EPHB3: variants seen among roughly 807,000 people sequenced by gnomAD.
The protein encoded by EPHB3 is EPH receptor B3, also known as ephrin type-B receptor 3.
EPHB3 carries 33 observed loss-of-function variants against 100.2 expected under a neutral mutation model. That is an observed-to-expected ratio of 0.33 (90% CI 0.25 to 0.44). The LOEUF (loss-of-function observed/expected upper bound fraction) is 0.44. Ranked by LOEUF, EPHB3 falls within the 20% of genes least tolerant of loss-of-function variation. The probability of loss-of-function intolerance (pLI) is 1.00; values close to 1 mark genes in which losing one functional copy is unlikely to be tolerated. For missense variants in EPHB3, 1,045 were observed against 1,378.3 expected, an observed-to-expected ratio of 0.76 and a Z score of 3.83; for synonymous variants, 526 against 554.7, an observed-to-expected ratio of 0.95 and a Z score of 0.73.
At position 184,572,622 on chromosome 3, in the gene EPHB3, A is replaced by G; in HGVS notation, c.302A>G (p.Asp101Gly). The G allele has an allele frequency of 6.4e-7, 1 of 1,555,588 alleles. No homozygotes were observed. The highest frequency in any genetic ancestry group is 8.7e-7 in the Non-Finnish European group (1 of 1,151,082). Residue 101 changes from aspartate (D) to glycine (G), a missense_variant, in exon 3 of 16, where the codon GAT (aspartate) becomes GGT (glycine). Transcript: ENST00000330394. This position sits in a 1 kb window ranked among gnomAD's most constrained non-coding sequence, Gnocchi z 6.6. ...WLRTGFIWRR[D>G]VQRVYVELKF... is the part of the protein sequence containing the mutation. ...CGCACGGGGTTCATCTGGCGGCGGG[A>G]TGTGCAGCGGGTCTACGTGGAGCTC...
At position 184,580,681 on chromosome 3, in the gene EPHB3, G is replaced by A. The variant is rs768714828; in HGVS notation, c.2389-48G>A. On this transcript the variant is annotated intron_variant, in intron 12 of 15. Coordinates refer to ENST00000330394, the MANE Select transcript of EPHB3 (RefSeq NM_004443.4). ...CTATCAGCCAGGGGCTCGGGCCTGG[G>A]GGGCAGCCCGGAGTCACAGGGTGAA... 8 of 1,609,940 alleles carry A rather than the reference G, an allele frequency of 5.0e-6. No homozygotes were observed. The South Asian group carries it at 7.7e-5, about 16-fold the overall frequency.
At position 184,572,761 on chromosome 3, in the gene EPHB3, C is replaced by T. The variant is rs763128534; in HGVS notation, c.441C>T (p.Pro147=). The T allele has an allele frequency of 1.2e-6, 2 of 1,610,736 alleles. No homozygotes were observed. The highest frequency in any genetic ancestry group is 2.2e-5 in the East Asian group (1 of 44,862). The change falls in exon 3 of 16, where the codon CCC becomes CCT. Residue 147 remains proline, a synonymous_variant. Coordinates refer to ENST00000330394, the MANE Select transcript of EPHB3 (RefSeq NM_004443.4). The surrounding 1 kb of genome is among the most constrained non-coding windows in gnomAD (Gnocchi z 6.6). Reference sequence around the variant, plus strand: ...GCGATGTGGCCTCAGCCTCCTCCCCCTTCTGGATGGAGAACCCCTACGTGA... The same window carrying T: ...GCGATGTGGCCTCAGCCTCCTCCCCTTTCTGGATGGAGAACCCCTACGTGA... ...ADSDVASASS[P]FWMENPYVKV...
chr3:184,577,632 G>A lies in EPHB3; in HGVS notation c.1480-26G>A. 6.3e-7 allele frequency: 1 copy of A among 1,575,766 alleles called. No homozygotes were observed. Among genetic ancestry groups the A allele is most frequent in the Admixed American group, 1.7e-5 (1 of 58,166 alleles). ...GGTTGGCCTCAGGACCCACCTGAGGGTGCCCCCTCTCTCCTGGCATTGCAG... is the reference window on the plus strand; with the variant it reads ...GGTTGGCCTCAGGACCCACCTGAGGATGCCCCCTCTCTCCTGGCATTGCAG... On this transcript the variant is annotated intron_variant, in intron 6 of 15. Coordinates refer to ENST00000330394, the MANE Select transcript of EPHB3 (RefSeq NM_004443.4). This position sits in a 1 kb window ranked among gnomAD's most constrained non-coding sequence, Gnocchi z 4.9.
Position 184,579,431 on chromosome 3 carries a change from G to A in EPHB3, c.1802-46G>A. 1 of 1,599,374 alleles carries A rather than the reference G, an allele frequency of 6.3e-7. No homozygotes were observed. The highest frequency in any genetic ancestry group is 8.6e-7 in the Non-Finnish European group (1 of 1,168,814). Reference sequence around the variant, plus strand: ...TGGAGCTGTGCCCATCGCAGGGAGAGGCTGGCTTGACGTTACCCTCTCACG... The same window carrying A: ...TGGAGCTGTGCCCATCGCAGGGAGAAGCTGGCTTGACGTTACCCTCTCACG... On this transcript the variant is annotated intron_variant, in intron 9 of 15. Coordinates refer to ENST00000330394, the MANE Select transcript of EPHB3 (RefSeq NM_004443.4). This position sits in a 1 kb window ranked among gnomAD's most constrained non-coding sequence, Gnocchi z 5.2.
intron 3 of EPHB3, chr3:184,575,187 G>A (rs1714640979): frequency 2.0e-6 from 2 of 985,272 alleles, no homozygotes; most frequent in Non-Finnish European, 2.4e-6. Context: ...TCAGGCCCTG[G>A]GCTTGCTCTG....
Position 184,581,658 on chromosome 3 carries a change from G to T in EPHB3, c.*36G>T. 1 of 1,536,008 alleles carries T rather than the reference G, an allele frequency of 6.5e-7. No homozygotes were observed. The highest frequency in any genetic ancestry group is 8.8e-7 in the Non-Finnish European group (1 of 1,142,168). On this transcript the variant is annotated 3_prime_UTR_variant, in exon 16 of 16. Transcript: ENST00000330394. Reference sequence around the variant, plus strand: ...CACGGGGACCCTGAGGACCGTGCAGGGATGCCAAGCAGCCGGCTGGACTTT... The same window carrying T: ...CACGGGGACCCTGAGGACCGTGCAGTGATGCCAAGCAGCCGGCTGGACTTT...
In EPHB3 at chr3:184,579,717, T is replaced by G; in HGVS notation, c.1955T>G (p.Leu652Arg). The G allele has an allele frequency of 6.2e-7, 1 of 1,612,270 alleles. No homozygotes were observed. The highest frequency in any genetic ancestry group is 8.5e-7 in the Non-Finnish European group (1 of 1,178,906). Residue 652 changes from leucine (L) to arginine (R), a missense_variant, in exon 11 of 16, where the codon CTG becomes CGG. Physicochemically the swap from Leu to Arg is moderately radical, Grantham distance 102. Around this residue, in one of 2 missense-constraint regions of EPHB3, gnomAD observed 985 missense variants for 1,331.1 expected, o/e 0.74. Transcript: ENST00000330394. The surrounding 1 kb of genome is among the most constrained non-coding windows in gnomAD (Gnocchi z 5.2). ...GEFGEVCRGR[L>R]KQPGRREVFV... ...TTTGGGGAAGTGTGCCGTGGTCGAC[T>G]GAAACAGCCTGGCCGCCGAGAGGTG...
rs1714832132 is a variant in EPHB3 at position 184,581,880 on chromosome 3, GCT to G, written c.*262_*263del. The G allele has an allele frequency of 6.0e-5, 26 of 430,174 alleles. No individual in the cohort carries two copies. The South Asian group carries it at 1.1e-3, about 18-fold the overall frequency. The allele number at this position is 430,174 out of a possible 1,614,324, so 26.6% of individuals were successfully genotyped here. On this transcript the variant is annotated 3_prime_UTR_variant, in exon 16 of 16. Transcript: ENST00000330394. Reference sequence around the variant, plus strand: ...AGCCCCTCAGGGCCCAGACCTTCCTGCTCTCCAGCAGGGGATCCCCACAACCT... The same window carrying G: ...AGCCCCTCAGGGCCCAGACCTTCCTGCTCCAGCAGGGGATCCCCACAACCT...
At position 184,563,049 on chromosome 3, in the gene EPHB3, T is replaced by C. The variant is rs1714298136; in HGVS notation, c.118+696T>C. Among the ~76,000 whole-genome samples the C allele has an allele frequency of 6.6e-6, 1 of 152,178 alleles. No homozygotes were observed. Among genetic ancestry groups the C allele is most frequent in the Non-Finnish European group, 1.5e-5 (1 of 68,016 alleles). ...CAGCAGAGCCCGGCGCCTTCCTCAG[T>C]AGCTGGTGGGAAAAGGCCAGGCTTC... On this transcript the variant is annotated intron_variant, in intron 1 of 15. Coordinates refer to ENST00000330394, the MANE Select transcript of EPHB3 (RefSeq NM_004443.4). The surrounding 1 kb of genome is among the most constrained non-coding windows in gnomAD (Gnocchi z 4.1).
In EPHB3 at chr3:184,562,466, C is replaced by A. The variant is rs1208983858; in HGVS notation, c.118+113C>A. Reference sequence around the variant, plus strand: ...GCGCACGTCGGAGGAGGCCCCGCCACCGGCGCCCGCTCCGGGGCCCAGGGA... The same window carrying A: ...GCGCACGTCGGAGGAGGCCCCGCCAACGGCGCCCGCTCCGGGGCCCAGGGA... On this transcript the variant is annotated intron_variant, in intron 1 of 15. Transcript: ENST00000330394. This position sits in a 1 kb window ranked among gnomAD's most constrained non-coding sequence, Gnocchi z 4.8. 1.8e-6 allele frequency: 2 copies of A among 1,118,170 alleles called. No homozygotes were observed. The highest frequency in any genetic ancestry group is 2.2e-6 in the Non-Finnish European group (2 of 913,878). 69.3% of individuals were successfully genotyped at this position (1,118,170 alleles called of 1,614,324 possible).
rs1467499500 is a variant in EPHB3, at chr3:184,571,362, A to G, written c.163A>G (p.Thr55Ala). ...TKWVTSELAW[T>A]SHPESGWEEV... ...ATGGGTAACATCTGAGTTGGCGTGGACATCTCATCCAGAAAGTGGGGTGAG... is the reference window on the plus strand; with the variant it reads ...ATGGGTAACATCTGAGTTGGCGTGGGCATCTCATCCAGAAAGTGGGGTGAG... Residue 55 changes from threonine to alanine, a missense_variant, in exon 2 of 16, where the codon ACA becomes GCA. Around this residue, in one of 2 missense-constraint regions of EPHB3, gnomAD observed 985 missense variants for 1,331.1 expected, o/e 0.74. Coordinates refer to ENST00000330394, the MANE Select transcript of EPHB3 (RefSeq NM_004443.4). The surrounding 1 kb of genome is among the most constrained non-coding windows in gnomAD (Gnocchi z 5.0). 3 of 1,613,984 alleles carry G rather than the reference A, an allele frequency of 1.9e-6. No individual in the cohort carries two copies. The highest frequency in any genetic ancestry group is 2.5e-6 in the Non-Finnish European group (3 of 1,179,940).
At chr3:184,574,317 C>T (rs1166561564) in intron 3 of EPHB3, among the ~76,000 whole-genome samples, 1 of 152,182 alleles carries the variant, frequency 6.6e-6, no homozygotes, top group Non-Finnish European at 1.5e-5. Context: ...TCAAAATTGT[C>T]CACCTAGGGG....
At position 184,577,277 on chromosome 3, in the gene EPHB3, G is replaced by T; in HGVS notation, c.1355-66G>T. The T allele has an allele frequency of 6.3e-7, 1 of 1,592,834 alleles. No homozygotes were observed. Among genetic ancestry groups the T allele is most frequent in the Non-Finnish European group, 8.6e-7 (1 of 1,168,534 alleles). ...TAAGGGACCACTGGGGGTCCCATGG[G>T]AAGTGGGTCTTTGGGAAGGATGCCA... is the stretch of plus-strand genomic sequence containing the variant. On this transcript the variant is annotated intron_variant, in intron 5 of 15. Coordinates refer to ENST00000330394, the MANE Select transcript of EPHB3 (RefSeq NM_004443.4). The surrounding 1 kb of genome is among the most constrained non-coding windows in gnomAD (Gnocchi z 4.9).
Position 184,562,250 on chromosome 3 carries a change from C to CCCGCCGCCG in EPHB3, c.22_30dup (p.Pro8_Pro10dup), listed in dbSNP as rs763165946. The CCCGCCGCCG allele has an allele frequency of 3.7e-6, 4 of 1,077,060 alleles. No individual in the cohort carries two copies. Among genetic ancestry groups the CCCGCCGCCG allele is most frequent in the African/African-American group, 1.7e-5 (1 of 59,490 alleles). The allele number at this position is 1,077,060 out of a possible 1,614,324, so 66.7% of individuals were successfully genotyped here. A position where few individuals can be genotyped will look rare whatever the true frequency, so the allele number is the denominator to read the frequency against. On this transcript the variant is annotated inframe_insertion, in exon 1 of 16. Transcript: ENST00000330394. This position sits in a 1 kb window ranked among gnomAD's most constrained non-coding sequence, Gnocchi z 4.8. ...CTGCCACGGCCATGGCCAGAGCCCG[C>CCCGCCGCCG]CCGCCGCCGCCGCCGTCGCCGCCGC...
Position 184,581,624 on chromosome 3 carries a change from A to G in EPHB3, c.*2A>G, listed in dbSNP as rs1384968391. The G allele has an allele frequency of 1.2e-6, 2 of 1,603,906 alleles. No individual in the cohort carries two copies. The highest frequency in any genetic ancestry group is 2.2e-5 in the East Asian group (1 of 44,630). ...CAGACGCTGCCTGTGCAGGTCTGAC[A>G]CCGGCTCCCACGGGGACCCTGAGGA... On this transcript the variant is annotated 3_prime_UTR_variant, in exon 16 of 16. Transcript: ENST00000330394.
At position 184,573,218 on chromosome 3, in the gene EPHB3, C is replaced by G. The variant is rs1714585883; in HGVS notation, c.856+42C>G. ...CTGGGGAAAGGGTTGTCGGGAGGGCCTGGGCCACAGCTACCTACCGCCCCG... is the reference window on the plus strand; with the variant it reads ...CTGGGGAAAGGGTTGTCGGGAGGGCGTGGGCCACAGCTACCTACCGCCCCG... On this transcript the variant is annotated intron_variant, in intron 3 of 15. Transcript: ENST00000330394. This position sits in a 1 kb window ranked among gnomAD's most constrained non-coding sequence, Gnocchi z 4.5. The G allele has an allele frequency of 1.9e-6, 3 of 1,602,562 alleles. No homozygotes were observed. Among genetic ancestry groups the G allele is most frequent in the South Asian group, 2.2e-5 (2 of 90,986 alleles).
rs749846196 is a variant in EPHB3 at position 184,575,868 on chromosome 3, G to C, written c.895G>C (p.Gly299Arg). The change falls in exon 4 of 16, where the codon GGG becomes CGG. Residue 299 changes from glycine (G) to arginine (R), a missense_variant. Gly to Arg is a moderately radical substitution (Grantham distance 125). Transcript: ENST00000330394. ...GAGCTACAAGGCGAAGCAGGGAGAG[G>C]GGCCCTGCCTCCCATGTCCCCCCAA... Reference protein sequence around the residue: ...PGSYKAKQGEGPCLPCPPNSR... With the variant: ...PGSYKAKQGERPCLPCPPNSR... 6.8e-6 allele frequency: 11 copies of C among 1,612,934 alleles called. No individual in the cohort carries two copies. The highest frequency in any genetic ancestry group is 8.5e-6 in the Non-Finnish European group (10 of 1,179,482).
Position 184,573,124 on chromosome 3 carries a change from C to T in EPHB3, c.804C>T (p.Ala268=), listed in dbSNP as rs547607284. 2.1e-5 allele frequency: 34 copies of T among 1,612,652 alleles called. 1 individual carries two copies. The South Asian group carries it at 3.1e-4, about 15-fold the overall frequency. Residue 268 remains alanine (A), a synonymous_variant, in exon 3 of 16, where the codon GCC becomes GCT. Transcript: ENST00000330394. This position sits in a 1 kb window ranked among gnomAD's most constrained non-coding sequence, Gnocchi z 4.5. The part of the protein sequence containing the change: ...GDGEWMVPVG[A]CTCATGHEPA... ...GGGAGTGGATGGTGCCTGTGGGTGC[C>T]TGCACCTGTGCCACCGGCCATGAGC...
rs1238216819 is a variant in EPHB3 at position 184,577,760 on chromosome 3, G to A, written c.1582G>A (p.Val528Ile). The A allele has an allele frequency of 2.5e-6, 4 of 1,611,582 alleles. No homozygotes were observed. The highest frequency in any genetic ancestry group is 3.4e-6 in the Non-Finnish European group (4 of 1,178,326). Residue 528 changes from valine (V) to isoleucine (I), a missense_variant, in exon 7 of 16, where the codon GTA becomes ATA. Val to Ile is a conservative substitution (Grantham distance 29, BLOSUM62 3). Coordinates refer to ENST00000330394, the MANE Select transcript of EPHB3 (RefSeq NM_004443.4). The surrounding 1 kb of genome is among the most constrained non-coding windows in gnomAD (Gnocchi z 4.9). ...TGTGGTCCAGGTCCGTGCCCGCACA[G>A]TAGCTGGCTATGGGCAGTACAGCCG... Reference protein sequence around the residue: ...RYVVQVRARTVAGYGQYSRPA... With the variant: ...RYVVQVRARTIAGYGQYSRPA...
Sources: gnomAD v4.1 joint callset for allele counts (sites outside exome capture counted in the v4.1 genomes callset) on GRCh38, gnomAD v4.1.1 for gene constraint, gnomAD v4.1.1 regional missense constraint, Gnocchi (gnomAD v3.1) non-coding constraint, MANE v1.5 for transcripts, NCBI Gene and HGNC (gene_info 2026-07-23, HGNC 2026-07-21) for gene names.